Variants in GJC1 observed in about 807,000 individuals in gnomAD.
GJC1 encodes the protein gap junction gamma-1 protein.
A neutral mutation model predicts 29.3 loss-of-function variants in GJC1; 5 were observed. That is an observed-to-expected ratio of 0.17 (90% CI 0.09 to 0.36). GJC1 has a LOEUF of 0.36. GJC1 is among the 10% of genes least tolerant of loss of function. The probability of loss-of-function intolerance (pLI) is 1.00; values close to 1 mark genes in which losing one functional copy is unlikely to be tolerated. For synonymous variants in GJC1, 177 were observed against 183.3 expected, an observed-to-expected ratio of 0.97 and a Z score of 0.28; for missense variants, 310 against 496.2, an observed-to-expected ratio of 0.62 and a Z score of 3.56.
intron 1 of GJC1, among the ~76,000 whole-genome samples, chr17:44,821,234 G>GC: frequency 6.6e-6 from 1 of 152,218 alleles, no homozygotes; most frequent in Non-Finnish European, 1.5e-5. Flanking sequence ...CTGTCTTCAT[G>GC]CAAACAGGAC....
downstream of GJC1, among the ~76,000 whole-genome samples, chr17:44,797,384 A>C (rs562394407): frequency 6.6e-6 from 1 of 152,296 alleles, no homozygotes; most frequent in African/African-American, 2.4e-5. Context: ...TGTTAATAGC[A>C]TTCCTGTTAC....
rs189361959 is a variant in GJC1, at chr17:44,813,470, C to T, written c.-96-6001G>A. ...TTTCTTGGATACTCTTCCCTTTCCT[C>T]TCCTTCCAAGTTACTTTTTTTTTTT... On this transcript the variant is annotated intron_variant, in intron 1 of 2. Coordinates refer to ENST00000592524, the MANE Select transcript of GJC1 (RefSeq NM_005497.4). Among the ~76,000 whole-genome samples, 104 of 148,248 alleles carry T rather than the reference C, an allele frequency of 7.0e-4. 1 individual carries two copies. Among genetic ancestry groups the T allele is most frequent in the African/African-American group, 2.4e-3 (98 of 40,260 alleles).
At position 44,799,975 on chromosome 17, in the gene GJC1, A is replaced by G. The variant is rs545384675; in HGVS notation, c.*4652T>C. The G allele has an allele frequency of 7.9e-5, 12 of 152,316 alleles. No individual in the cohort carries two copies. Among genetic ancestry groups the G allele is most frequent in the African/African-American group, 2.6e-4 (11 of 41,582 alleles). The allele number at this position is 152,316 out of a possible 1,614,324, so 9.4% of individuals were successfully genotyped here. On this transcript the variant is annotated 3_prime_UTR_variant, in exon 3 of 3. Transcript: ENST00000592524. Reference sequence around the variant, plus strand: ...CAACAGCAAATACAAATCTTTAAACACTTCATGATGTGGCCGGAATGAGTA... The same window carrying G: ...CAACAGCAAATACAAATCTTTAAACGCTTCATGATGTGGCCGGAATGAGTA...
chr17:44,824,326 G>A (rs1237667840), intron 1 of GJC1, among the ~76,000 whole-genome samples: 1 of 151,960 alleles, frequency 6.6e-6, no homozygotes, highest in Non-Finnish European at 1.5e-5. Context: ...AATAGAGACT[G>A]TCCCACTCTG....
intron 1 of GJC1, among the ~76,000 whole-genome samples, chr17:44,825,188 C>CAAAAAAAA (rs1162077867): frequency 2.2e-4 from 10 of 45,982 alleles, no homozygotes; most frequent in African/African-American, 4.1e-4. Context: ...GTCTCAATTA[C>CAAAAAAAA]AAAAAAAAAA....
At chr17:44,813,029 T>C (rs1304774865) in intron 1 of GJC1, 1 of 152,118 alleles carries the variant, frequency 6.6e-6, no homozygotes. Flanking sequence ...TCTCACAAAA[T>C]GGGTGACGAG....
chr17:44,822,215 A>G (rs1376893966), intron 1 of GJC1, among the ~76,000 whole-genome samples: 1 of 150,650 alleles, frequency 6.6e-6, no homozygotes, highest in Non-Finnish European at 1.5e-5. Flanking sequence ...AAAAAAAAAA[A>G]AAAAAAAGAA....
intron 1 of GJC1, among the ~76,000 whole-genome samples, chr17:44,821,793 A>G (rs924540056): frequency 6.6e-6 from 1 of 151,808 alleles, no homozygotes; most frequent in Non-Finnish European, 1.5e-5. Context: ...CTTTTCTGGA[A>G]GGCATCTTGG....
chr17:44,806,402 T>TG (rs1491351447), intron 2 of GJC1, among the ~76,000 whole-genome samples: 4 of 43,648 alleles, frequency 9.2e-5, no homozygotes, highest in South Asian at 9.3e-4. Flanking sequence ...CTTCTGTTTG[T>TG]TTTTTTTTTT....
In GJC1 at chr17:44,806,465, T is replaced by C. The variant is rs1413487973; in HGVS notation, c.-20-628A>G. The stretch of plus-strand genomic sequence containing the variant: ...CTCAGGCTGCAGTGCAGTGGCGTGA[T>C]CTTGGCTCACTGCAACCTCCGCCTC... On this transcript the variant is annotated intron_variant, in intron 2 of 2. Transcript: ENST00000592524. Among the ~76,000 whole-genome samples the C allele has an allele frequency of 3.3e-5, 5 of 149,922 alleles. No individual in the cohort carries two copies. The Admixed American group carries it at 3.4e-4, about 10-fold the overall frequency.
chr17:44,799,548 G>A lies in GJC1; in HGVS notation c.*5079C>T, dbSNP rs1461955826. The stretch of plus-strand genomic sequence containing the variant: ...TGGACTCCTGATTTTAGAATACCAT[G>A]GTTTCTTTTAAAAAAAAAAAAAAGT... On this transcript the variant is annotated 3_prime_UTR_variant, in exon 3 of 3. Coordinates refer to ENST00000592524, the MANE Select transcript of GJC1 (RefSeq NM_005497.4). 1 of 148,128 alleles carries A rather than the reference G, an allele frequency of 6.8e-6. No homozygotes were observed. The highest frequency in any genetic ancestry group is 1.9e-4 in the East Asian group (1 of 5,132). 9.2% of individuals were successfully genotyped at this position (148,128 alleles called of 1,614,324 possible).
At chr17:44,808,427 T>C (rs1263251007) in intron 1 of GJC1, among the ~76,000 whole-genome samples, 2 of 91,790 alleles carry the variant, frequency 2.2e-5, no homozygotes, top group Non-Finnish European at 4.7e-5. Flanking sequence ...ACCCTGTCTC[T>C]TACACACACA....
intron 1 of GJC1, among the ~76,000 whole-genome samples, chr17:44,825,059 A>T (rs182916535): frequency 1.1e-4 from 16 of 151,572 alleles, no homozygotes; most frequent in Admixed American, 3.9e-4. Flanking sequence ...AAAAAATTTT[A>T]AAATTAACTG....
intron 1 of GJC1, among the ~76,000 whole-genome samples, chr17:44,811,423 T>C (rs1305479202): frequency 6.6e-6 from 1 of 150,532 alleles, no homozygotes; most frequent in East Asian, 2.0e-4. Context: ...AAGTCTCTCT[T>C]TGTTATCCAG....
At chr17:44,828,234 T>C (rs1349677223) in intron 1 of GJC1, among the ~76,000 whole-genome samples, 3 of 152,228 alleles carry the variant, frequency 2.0e-5, no homozygotes, top group Non-Finnish European at 4.4e-5. Flanking sequence ...TTAAGTCCTC[T>C]GGATTAAAGG....
At chr17:44,811,330 C>T (rs1197515564) in intron 1 of GJC1, among the ~76,000 whole-genome samples, 1 of 152,076 alleles carries the variant, frequency 6.6e-6, no homozygotes, top group Non-Finnish European at 1.5e-5. Flanking sequence ...GATCCACCCA[C>T]CTCGGCCTCC....
chr17:44,823,496 C>T (rs1397764633), intron 1 of GJC1, among the ~76,000 whole-genome samples: 5 of 151,790 alleles, frequency 3.3e-5, no homozygotes, highest in African/African-American at 1.2e-4. Context: ...ATGATCCCCC[C>T]GCCTCGGCCT....
At chr17:44,821,392 TA>T (rs1217598392) in intron 1 of GJC1, among the ~76,000 whole-genome samples, 1 of 151,928 alleles carries the variant, frequency 6.6e-6, no homozygotes, top group African/African-American at 2.4e-5. Context: ...AAAATTTCTT[TA>T]AAAAAACCCA....
chr17:44,827,329 C>T (rs915973799), intron 1 of GJC1, among the ~76,000 whole-genome samples: 1 of 151,384 alleles, frequency 6.6e-6, no homozygotes, highest in Non-Finnish European at 1.5e-5. Flanking sequence ...AGCTAAACTC[C>T]GTCTCAAAAA....
Sources: gnomAD v4.1 joint callset for allele counts (sites outside exome capture counted in the v4.1 genomes callset) on GRCh38, gnomAD v4.1.1 for gene constraint, MANE v1.5 for transcripts, NCBI Gene and HGNC (gene_info 2026-07-23, HGNC 2026-07-21) for gene names.